Variants in LAMP1 observed in about 807,000 individuals in gnomAD.
The protein encoded by LAMP1 is lysosome associated membrane protein 1.
In LAMP1, 7 loss-of-function variants were observed where a neutral mutation model predicts 37.5. The observed-to-expected ratio is 0.19, with a 90% CI of 0.11 to 0.35. LAMP1 has a LOEUF of 0.35. Among genes scored for constraint, LAMP1 ranks in the 10% least tolerant of loss-of-function variants. The pLI is 1.00. For missense variants in LAMP1, 537 were observed against 552.8 expected (o/e 0.97, Z 0.29); for synonymous variants, 236 against 229.1 (o/e 1.03, Z -0.27).
intron 4 of LAMP1, 138 bp from the exon 5 acceptor site, chr13:113,319,331 A>G: frequency 1.3e-6 from 1 of 769,216 alleles, no homozygotes. Flanking sequence ...AGCGAGAGCC[A>G]CCTTGGGAGA....
chr13:113,302,412 A>T (rs1595457037), intron 1 of LAMP1, among the ~76,000 whole-genome samples: 1 of 150,108 alleles, frequency 6.7e-6, no homozygotes, highest in Non-Finnish European at 1.5e-5. Context: ...CTAGTCTCAA[A>T]CTCCTGACCT....
At position 113,322,498 on chromosome 13, in the gene LAMP1, C is replaced by T. The variant is rs2042708216; in HGVS notation, c.*77C>T. ...GCTTAGGGTCCTGTCGAAGGGGAGGCACACTTTCTGGCAAACGTTTCTCAA... is the reference window on the plus strand; with the variant it reads ...GCTTAGGGTCCTGTCGAAGGGGAGGTACACTTTCTGGCAAACGTTTCTCAA... On this transcript the variant is annotated 3_prime_UTR_variant, in exon 9 of 9. Transcript: ENST00000332556. The T allele has an allele frequency of 2.1e-6, 3 of 1,404,570 alleles. No individual in the cohort carries two copies. Among genetic ancestry groups the T allele is most frequent in the South Asian group, 1.4e-5 (1 of 71,554 alleles). The allele number at this position is 1,404,570 out of a possible 1,614,324, so 87.0% of individuals were successfully genotyped here. A position where few individuals can be genotyped will look rare whatever the true frequency, so the allele number is the denominator to read the frequency against.
chr13:113,317,735 G>A (rs2042674344), intron 4 of LAMP1, among the ~76,000 whole-genome samples: 1 of 149,424 alleles, frequency 6.7e-6, no homozygotes, highest in Admixed American at 6.7e-5. Context: ...CTCCCAGGCT[G>A]GAGTGCAGTG....
intron 4 of LAMP1, among the ~76,000 whole-genome samples, chr13:113,318,966 TC>T (rs1329178996): frequency 2.0e-5 from 3 of 152,334 alleles, no homozygotes; most frequent in Admixed American, 6.5e-5. Flanking sequence ...ACCCTCTGTT[TC>T]CCTCTGGGTA....
chr13:113,302,739 T>C (rs533698930), intron 1 of LAMP1, among the ~76,000 whole-genome samples: 36 of 152,248 alleles, frequency 2.4e-4, no homozygotes, highest in Admixed American at 1.8e-3. Flanking sequence ...CAGTGTTTCC[T>C]CATTGGAAGC....
chr13:113,306,617 C>CCAG lies in LAMP1; in HGVS notation c.183+12_183+14dup. The CCAG allele has an allele frequency of 1.2e-6, 2 of 1,609,822 alleles. No homozygotes were observed. Among genetic ancestry groups the CCAG allele is most frequent in the Non-Finnish European group, 1.7e-6 (2 of 1,178,260 alleles). On this transcript the variant is annotated intron_variant, in intron 2 of 8. Coordinates refer to ENST00000332556, the MANE Select transcript of LAMP1 (RefSeq NM_005561.4). The stretch of plus-strand genomic sequence containing the variant: ...AAGAGTGGCCCTAAGGTAGGAAACA[C>CCAG]CAGGGCACTTCATGCTTCCCTTGTG...
At chr13:113,302,376 G>A (rs1326753683) in intron 1 of LAMP1, among the ~76,000 whole-genome samples, 1 of 151,562 alleles carries the variant, frequency 6.6e-6, no homozygotes, top group Non-Finnish European at 1.5e-5. Flanking sequence ...TTTTAGTAGA[G>A]ACGGGGTTTC....
In LAMP1 at chr13:113,323,064, A is replaced by G. The variant is rs1453641060; in HGVS notation, c.*643A>G. The G allele has an allele frequency of 6.6e-6, 1 of 152,248 alleles. No individual in the cohort carries two copies. Among genetic ancestry groups the G allele is most frequent in the Admixed American group, 6.5e-5 (1 of 15,276 alleles). The allele number at this position is 152,248 out of a possible 1,614,324, so 9.4% of individuals were successfully genotyped here. On this transcript the variant is annotated 3_prime_UTR_variant, in exon 9 of 9. Coordinates refer to ENST00000332556, the MANE Select transcript of LAMP1 (RefSeq NM_005561.4). ...CACATTACAACAGTAGAGAGGGAAC[A>G]TCCTAAGACAGAGGAACTCCAGAGA... is the stretch of plus-strand genomic sequence containing the variant.
rs970201044 is a variant in LAMP1, at chr13:113,321,049, C to T, written c.877-355C>T. On this transcript the variant is annotated intron_variant, in intron 6 of 8. Transcript: ENST00000332556. The surrounding 1 kb of genome is among the most constrained non-coding windows in gnomAD (Gnocchi z 5.6). The stretch of plus-strand genomic sequence containing the variant: ...AAAACGAGTTAGCTGGGCGTAGTGG[C>T]GCACACCTGTGGTCCCAGCTACTTG... 34 of 319,224 alleles carry T rather than the reference C, an allele frequency of 1.1e-4. No homozygotes were observed. Among genetic ancestry groups the T allele is most frequent in the South Asian group, 5.5e-4 (19 of 34,422 alleles). The allele number at this position is 319,224 out of a possible 1,614,324, so 19.8% of individuals were successfully genotyped here.
chr13:113,298,184 A>G (rs1446123024), intron 1 of LAMP1, among the ~76,000 whole-genome samples: 3 of 152,198 alleles, frequency 2.0e-5, no homozygotes, highest in Non-Finnish European at 2.9e-5. Context: ...TCTAGTAAGT[A>G]GTTTAAAGAG....
Position 113,319,655 on chromosome 13 carries a change from C to A in LAMP1, c.749C>A (p.Thr250Lys), listed in dbSNP as rs1260482013. ...LNLTYERKDN[T>K]TVTRLLNINP... ...CTCACCTATGAGAGGAAGGACAACA[C>A]GGTAGGGCTGGGGCCTCACCTGGGA... The change falls in exon 5 of 9, where the codon ACG becomes AAG. Residue 250 changes from threonine to lysine, a missense_variant and splice_region_variant. By Grantham distance (78) the Thr-to-Lys change is moderately conservative. Transcript: ENST00000332556. 1 of 1,607,674 alleles carries A rather than the reference C, an allele frequency of 6.2e-7. No individual in the cohort carries two copies. Among genetic ancestry groups the A allele is most frequent in the East Asian group, 2.2e-5 (1 of 44,872 alleles).
chr13:113,310,788 C>G lies in LAMP1; in HGVS notation c.483C>G (p.Val161=). ...KKYRCVSGTQ[V]HMNNVTVTLH... ...ACAGATGTGTTAGTGGCACCCAGGT[C>G]CACATGAACAACGTGACCGTAACGC... Residue 161 remains valine (V), a synonymous_variant, in exon 4 of 9, where the codon GTC becomes GTG. Transcript: ENST00000332556. 1 of 1,613,536 alleles carries G rather than the reference C, an allele frequency of 6.2e-7. No individual in the cohort carries two copies. Among genetic ancestry groups the G allele is most frequent in the Non-Finnish European group, 8.5e-7 (1 of 1,179,786 alleles).
chr13:113,300,486 C>CAAAAAAAAAAAAAAAA (rs781688099), intron 1 of LAMP1, among the ~76,000 whole-genome samples: 1 of 60,264 alleles, frequency 1.7e-5, no homozygotes, highest in South Asian at 6.2e-4. Flanking sequence ...AACTCAATGT[C>CAAAAAAAAAAAAAAAA]AAAAAAAAAA....
chr13:113,319,895 A>G (rs940685199), intron 5 of LAMP1, among the ~76,000 whole-genome samples: 2 of 152,236 alleles, frequency 1.3e-5, no homozygotes, highest in African/African-American at 4.8e-5. Context: ...AGCATGGCCT[A>G]TTGGGCAGTG....
At chr13:113,314,855 C>G (rs1258906053) in intron 4 of LAMP1, among the ~76,000 whole-genome samples, 1 of 118,642 alleles carries the variant, frequency 8.4e-6, no homozygotes, top group Non-Finnish European at 1.7e-5. Context: ...CTGGAGGCAG[C>G]CAGTGTGGAG....
At chr13:113,302,114 C>T (rs564409148) in intron 1 of LAMP1, among the ~76,000 whole-genome samples, 28 of 152,092 alleles carry the variant, frequency 1.8e-4, no homozygotes, top group Non-Finnish European at 2.4e-4. Context: ...CTGCCCACCT[C>T]GGCCTCCCAA....
intron 4 of LAMP1, among the ~76,000 whole-genome samples, chr13:113,314,379 C>G (rs1262869777): frequency 2.1e-4 from 11 of 51,828 alleles, no homozygotes; most frequent in African/African-American, 9.5e-4. Flanking sequence ...AGGGAACCAG[C>G]GTGGAGATGC....
chr13:113,308,750 TTTG>T (rs1459562392), intron 2 of LAMP1, among the ~76,000 whole-genome samples: 1 of 152,224 alleles, frequency 6.6e-6, no homozygotes, highest in Non-Finnish European at 1.5e-5. Context: ...TGTTATGCAC[TTTG>T]TTATTTCACA....
intron 4 of LAMP1, among the ~76,000 whole-genome samples, chr13:113,319,134 G>C (rs942779020): frequency 6.6e-6 from 1 of 152,204 alleles, no homozygotes; most frequent in Non-Finnish European, 1.5e-5. Flanking sequence ...CCTCACTTTA[G>C]GAAGAGGGTG....
Sources: allele counts gnomAD v4.1 joint callset (sites outside exome capture counted in the v4.1 genomes callset), GRCh38; gene constraint gnomAD v4.1.1; non-coding constraint Gnocchi (gnomAD v3.1); transcripts MANE v1.5; gene names NCBI Gene and HGNC (gene_info 2026-07-23, HGNC 2026-07-21).